The following WWOX variants were observed in gnomAD, a reference collection of about 807,000 sequenced individuals.
WWOX encodes WW domain-containing oxidoreductase.
WWOX carries 69 observed loss-of-function variants against 46.2 expected under a neutral mutation model. The observed-to-expected ratio is 1.49, with a 90% CI of 1.23 to 1.82. The LOEUF is 1.82. WWOX is among the 40% of genes most tolerant of loss of function. The probability of loss-of-function intolerance (pLI) is 0.00; values close to 1 mark genes in which losing one functional copy is unlikely to be tolerated. For missense variants in WWOX, 919 were observed against 542.6 expected, an observed-to-expected ratio of 1.69 and a Z score of -6.89; for synonymous variants, 359 against 202.6, an observed-to-expected ratio of 1.77 and a Z score of -6.56.
intron 8 of WWOX, among the ~76,000 whole-genome samples, chr16:78,463,788 C>G (rs755826390): frequency 1.2e-4 from 19 of 152,140 alleles, no homozygotes; most frequent in Non-Finnish European, 2.6e-4. Context: ...GGTTTATGAT[C>G]AAGTAAAGAG....
At chr16:79,211,317 G>A (rs529308015) in intron 8 of WWOX, among the ~76,000 whole-genome samples, 34 of 152,264 alleles carry the variant, frequency 2.2e-4, no homozygotes, top group Middle Eastern at 6.8e-3. Context: ...TGGAAGAGGC[G>A]CCTGCCACGA....
intron 8 of WWOX, among the ~76,000 whole-genome samples, chr16:79,129,901 C>T (rs189998192): frequency 6.4e-4 from 97 of 152,238 alleles, no homozygotes; most frequent in Admixed American, 1.2e-3. Flanking sequence ...GTGTAAGCGT[C>T]GCTGTTCACT....
intron 8 of WWOX, among the ~76,000 whole-genome samples, chr16:78,744,674 C>T (rs1381514932): frequency 6.6e-6 from 1 of 152,038 alleles, no homozygotes; most frequent in African/African-American, 2.4e-5. Context: ...TTAAGTGATC[C>T]ACCTGCCTCG....
At chr16:78,649,007 T>C (rs1023394064) in intron 8 of WWOX, among the ~76,000 whole-genome samples, 3 of 152,314 alleles carry the variant, frequency 2.0e-5, no homozygotes, top group Middle Eastern at 6.8e-3. Flanking sequence ...GGAGTCTCGC[T>C]CTGTCACCCA....
At chr16:78,873,072 C>G (rs368783597) in intron 8 of WWOX, 2 of 152,252 alleles carry the variant, frequency 1.3e-5, no homozygotes, top group African/African-American at 4.8e-5. Context: ...ACTGAGATTA[C>G]GGGTGTAAGT....
intron 8 of WWOX, among the ~76,000 whole-genome samples, chr16:78,815,733 G>C (rs1163536401): frequency 6.6e-6 from 1 of 152,196 alleles, no homozygotes; most frequent in Non-Finnish European, 1.5e-5. Flanking sequence ...AAGAGCTTTA[G>C]AACTGCAATG....
intron 8 of WWOX, among the ~76,000 whole-genome samples, chr16:78,460,846 G>A (rs764585307): frequency 3.3e-5 from 5 of 152,202 alleles, no homozygotes; most frequent in African/African-American, 7.2e-5. Context: ...GCTCTGTTAC[G>A]TGAGGACACA....
intron 5 of WWOX, among the ~76,000 whole-genome samples, chr16:78,261,735 CATGT>C (rs1290825512): frequency 1.5e-5 from 2 of 135,634 alleles, no homozygotes; most frequent in African/African-American, 2.8e-5. Context: ...GCCCATTTGC[CATGT>C]GTGTGTGTGT....
At chr16:78,316,710 C>G (rs941205665) in intron 5 of WWOX, among the ~76,000 whole-genome samples, 1 of 152,092 alleles carries the variant, frequency 6.6e-6, no homozygotes, top group Non-Finnish European at 1.5e-5. Context: ...GCTGCTTTAT[C>G]CAACTTTGCA....
chr16:78,749,899 G>C lies in WWOX; in HGVS notation c.1056+317147G>C, dbSNP rs542569491. Among the ~76,000 whole-genome samples, 7 of 152,178 alleles carry C rather than the reference G, an allele frequency of 4.6e-5. No homozygotes were observed. In the South Asian group the frequency reaches 6.2e-4, roughly 14 times the overall value. ...CAAGTTTGACTTTCTTCACTTTGAG[G>C]GTCCTCAAAATAGAAGGTCAGAGAG... On this transcript the variant is annotated intron_variant, in intron 8 of 8. Coordinates refer to ENST00000566780, the MANE Select transcript of WWOX (RefSeq NM_016373.4).
chr16:78,817,388 C>T (rs2051362838), intron 8 of WWOX, among the ~76,000 whole-genome samples: 1 of 151,994 alleles, frequency 6.6e-6, no homozygotes, highest in Non-Finnish European at 1.5e-5. Context: ...GCCAGCCTGC[C>T]AGAAGCATTT....
chr16:78,908,936 A>C (rs886941006), intron 8 of WWOX, among the ~76,000 whole-genome samples: 1 of 152,214 alleles, frequency 6.6e-6, no homozygotes, highest in Non-Finnish European at 1.5e-5. Flanking sequence ...ATGACTCCTA[A>C]ACCCTAATTT....
chr16:78,411,971 G>T (rs970852006), intron 6 of WWOX, among the ~76,000 whole-genome samples: 7 of 152,318 alleles, frequency 4.6e-5, no homozygotes, highest in South Asian at 2.1e-4. Context: ...AGAAGGAATT[G>T]TATCACCGAG....
At chr16:78,960,005 C>G (rs887985198) in intron 8 of WWOX, among the ~76,000 whole-genome samples, 2 of 152,128 alleles carry the variant, frequency 1.3e-5, no homozygotes, top group Non-Finnish European at 2.9e-5. Context: ...AAAGGAAATA[C>G]CAATGACATT....
chr16:78,671,170 C>T (rs111667991), intron 8 of WWOX, among the ~76,000 whole-genome samples: 1 of 152,174 alleles, frequency 6.6e-6, no homozygotes, highest in South Asian at 2.1e-4. Context: ...TGCCTGTAAT[C>T]CCAGCACTTT....
chr16:78,436,395 C>G (rs2083336476), intron 8 of WWOX, among the ~76,000 whole-genome samples: 1 of 152,172 alleles, frequency 6.6e-6, no homozygotes, highest in Non-Finnish European at 1.5e-5. Flanking sequence ...GTGGACTTTT[C>G]TTGTTTCTGA....
chr16:79,024,048 T>C (rs1033911976), intron 8 of WWOX, among the ~76,000 whole-genome samples: 1 of 152,116 alleles, frequency 6.6e-6, no homozygotes, highest in Non-Finnish European at 1.5e-5. Flanking sequence ...GTACCTAGAA[T>C]AGGCACCTCC....
chr16:78,761,422 C>T lies in WWOX; in HGVS notation c.1056+328670C>T, dbSNP rs954365443. 2.0e-5 allele frequency among the ~76,000 whole-genome samples: 3 copies of T among 152,190 alleles called. No individual in the cohort carries two copies. In the South Asian group the frequency reaches 6.2e-4, roughly 32 times the overall value. On this transcript the variant is annotated intron_variant, in intron 8 of 8. Transcript: ENST00000566780. Reference sequence around the variant, plus strand: ...TTAGTTTTGTTTACCTGTTTAGTGCCCTCTCGGTTCCCAGACCATCAAACT... The same window carrying T: ...TTAGTTTTGTTTACCTGTTTAGTGCTCTCTCGGTTCCCAGACCATCAAACT...
chr16:78,534,982 G>A lies in WWOX; in HGVS notation c.1056+102230G>A, dbSNP rs557669053. 8.5e-5 allele frequency: 13 copies of A among 152,308 alleles called. 1 individual carries two copies. The highest frequency in any genetic ancestry group is 2.4e-4 in the African/African-American group (10 of 41,534). The allele number at this position is 152,308 out of a possible 1,614,324, so 9.4% of individuals were successfully genotyped here. ...TCGTCTCAGCCTCCCAAAGTGCTGG[G>A]ATGACAGGCATGAGCCACCGCACGC... is the stretch of plus-strand genomic sequence containing the variant. On this transcript the variant is annotated intron_variant, in intron 8 of 8. Coordinates refer to ENST00000566780, the MANE Select transcript of WWOX (RefSeq NM_016373.4).
Sources: gnomAD v4.1 joint callset for allele counts (sites outside exome capture counted in the v4.1 genomes callset) on GRCh38, gnomAD v4.1.1 for gene constraint, MANE v1.5 for transcripts, NCBI Gene and HGNC (gene_info 2026-07-23, HGNC 2026-07-21) for gene names.